GRID2: variants seen among roughly 807,000 people sequenced by gnomAD.
The protein encoded by GRID2 is glutamate receptor ionotropic, delta-2.
Under a neutral mutation model 114.8 loss-of-function variants are expected in GRID2, and 33 were observed. The observed-to-expected ratio is 0.29, with a 90% CI of 0.22 to 0.38. The LOEUF (loss-of-function observed/expected upper bound fraction) is 0.38, where lower values mean the gene tolerates loss of function less well. GRID2 is among the 10% of genes least tolerant of loss of function. The pLI is 1.00. For synonymous variants in GRID2, 505 were observed against 449.9 expected (o/e 1.12, Z -1.55); for missense variants, 1,184 against 1,257.7 (o/e 0.94, Z 0.89).
At position 93,769,429 on chromosome 4, in the gene GRID2, C is replaced by T. The variant is rs758100466; in HGVS notation, c.2580C>T (p.Gly860=). 2 of 1,613,814 alleles carry T rather than the reference C, an allele frequency of 1.2e-6. No homozygotes were observed. The highest frequency in any genetic ancestry group is 1.1e-5 in the South Asian group (1 of 91,082). Residue 860 remains glycine, a synonymous_variant, in exon 15 of 16, where the codon GGC becomes GGT. Transcript: ENST00000282020. The stretch of plus-strand genomic sequence containing the variant: ...AGACGTGGTGGAACAAGAGGAAAGG[C>T]TCCCGGGTTCCATCAAAAGAGGTAC... ...MLETWWNKRK[G]SRVPSKEDDK...
intron 8 of GRID2, among the ~76,000 whole-genome samples, chr4:93,356,884 A>G (rs1318589616): frequency 6.6e-6 from 1 of 151,802 alleles, no homozygotes; most frequent in Non-Finnish European, 1.5e-5. Flanking sequence ...TTTTATGACA[A>G]CAAATATGTG....
chr4:93,485,044 G>A (rs909171665), intron 11 of GRID2, among the ~76,000 whole-genome samples: 2 of 151,796 alleles, frequency 1.3e-5, no homozygotes, highest in East Asian at 1.9e-4. Flanking sequence ...CAACAACAGG[G>A]TACAAGCATT....
intron 1 of GRID2, among the ~76,000 whole-genome samples, chr4:92,329,141 C>A (rs1476569218): frequency 2.0e-5 from 3 of 151,920 alleles, no homozygotes; most frequent in African/African-American, 7.3e-5. Flanking sequence ...ATTATTAACC[C>A]TAAATTGTTA....
chr4:93,426,405 G>A (rs567658485), intron 10 of GRID2, among the ~76,000 whole-genome samples: 1 of 152,088 alleles, frequency 6.6e-6, no homozygotes, highest in East Asian at 1.9e-4. Flanking sequence ...TAAAGAAAAG[G>A]CATTATACAA....
chr4:92,350,128 G>T (rs1436933151), intron 1 of GRID2, among the ~76,000 whole-genome samples: 1 of 151,838 alleles, frequency 6.6e-6, no homozygotes, highest in Non-Finnish European at 1.5e-5. Flanking sequence ...TACTCATTTT[G>T]ATTGTCTGAA....
At chr4:93,627,171 C>A (rs977684938) in intron 14 of GRID2, among the ~76,000 whole-genome samples, 1 of 152,136 alleles carries the variant, frequency 6.6e-6, no homozygotes, top group Non-Finnish European at 1.5e-5. Flanking sequence ...AGATTAATAT[C>A]TTCCACATAG....
At chr4:92,861,749 G>A (rs1279318146) in intron 2 of GRID2, among the ~76,000 whole-genome samples, 1 of 151,896 alleles carries the variant, frequency 6.6e-6, no homozygotes, top group Non-Finnish European at 1.5e-5. Context: ...TATTAAATAA[G>A]AAGTAACTAA....
intron 2 of GRID2, among the ~76,000 whole-genome samples, chr4:93,019,015 T>C (rs1238764940): frequency 6.6e-6 from 1 of 152,180 alleles, no homozygotes. Flanking sequence ...ATGTGAGTTA[T>C]CTAGCTCAAG....
At chr4:92,564,151 GA>G (rs1324595126) in intron 1 of GRID2, among the ~76,000 whole-genome samples, 1 of 151,860 alleles carries the variant, frequency 6.6e-6, no homozygotes, top group Non-Finnish European at 1.5e-5. Context: ...TACACCAAAT[GA>G]AATAAGAAAT....
At chr4:93,361,138 G>A (rs1306400042) in intron 8 of GRID2, among the ~76,000 whole-genome samples, 1 of 151,600 alleles carries the variant, frequency 6.6e-6, no homozygotes, top group Non-Finnish European at 1.5e-5. Context: ...TTTTTTACAT[G>A]CAATAATTCA....
At chr4:92,559,691 C>T (rs1445346957) in intron 1 of GRID2, among the ~76,000 whole-genome samples, 1 of 152,128 alleles carries the variant, frequency 6.6e-6, no homozygotes, top group Admixed American at 6.6e-5. Context: ...AATATCACCA[C>T]ATAAGTTATT....
At chr4:92,875,149 GTTTTTTTTTTTTT>G (rs36120160) in intron 2 of GRID2, among the ~76,000 whole-genome samples, 4 of 84,992 alleles carry the variant, frequency 4.7e-5, no homozygotes, top group Non-Finnish European at 9.1e-5. Flanking sequence ...AACTCAAAAG[GTTTTTTTTTTTTT>G]TTTTTTTTTT....
chr4:93,569,191 T>C (rs1185972266), intron 13 of GRID2, among the ~76,000 whole-genome samples: 1 of 152,200 alleles, frequency 6.6e-6, no homozygotes, highest in Non-Finnish European at 1.5e-5. Context: ...GCTACTGTCT[T>C]CTGGACTATG....
chr4:93,233,221 C>T (rs1746340726), intron 7 of GRID2, among the ~76,000 whole-genome samples: 1 of 151,774 alleles, frequency 6.6e-6, no homozygotes, highest in Admixed American at 6.6e-5. Flanking sequence ...GACATGGCTT[C>T]TAATTAGCTA....
intron 2 of GRID2, among the ~76,000 whole-genome samples, chr4:92,670,357 C>T (rs1403519954): frequency 1.3e-5 from 2 of 151,940 alleles, no homozygotes; most frequent in Non-Finnish European, 2.9e-5. Context: ...TTTTTGGGAG[C>T]TTGCAGTGGC....
intron 2 of GRID2, among the ~76,000 whole-genome samples, chr4:92,838,026 A>C (rs1277091331): frequency 6.6e-6 from 1 of 152,094 alleles, no homozygotes; most frequent in Non-Finnish European, 1.5e-5. Context: ...GCAATTATGA[A>C]CCTAAACTCA....
intron 2 of GRID2, among the ~76,000 whole-genome samples, chr4:92,871,374 T>C (rs150609950): frequency 5.3e-5 from 8 of 152,298 alleles, no homozygotes; most frequent in African/African-American, 1.9e-4. Context: ...CTCAGATTTT[T>C]TATTTTGTTT....
At chr4:93,260,181 C>T (rs894260931) in intron 8 of GRID2, among the ~76,000 whole-genome samples, 2 of 151,552 alleles carry the variant, frequency 1.3e-5, no homozygotes, top group Non-Finnish European at 3.0e-5. Flanking sequence ...TACTAGCATT[C>T]TGATAAACTG....
chr4:93,275,081 T>G (rs968181675), intron 8 of GRID2, among the ~76,000 whole-genome samples: 3 of 151,908 alleles, frequency 2.0e-5, no homozygotes, highest in African/African-American at 7.2e-5. Flanking sequence ...TTCCCCCTTT[T>G]CTCAGCCTCT....
Sources: allele counts gnomAD v4.1 joint callset (sites outside exome capture counted in the v4.1 genomes callset), GRCh38; gene constraint gnomAD v4.1.1; transcripts MANE v1.5; gene names NCBI Gene and HGNC (gene_info 2026-07-23, HGNC 2026-07-21).